Variants in NR1I3 observed in about 807,000 individuals in gnomAD.
NR1I3 encodes constitutive activator of retinoid response.
Under a neutral mutation model 38.4 loss-of-function variants are expected in NR1I3, and 30 were observed. The observed-to-expected ratio is 0.78, with a 90% CI of 0.58 to 1.06. NR1I3 has a LOEUF of 1.06. NR1I3 is among the 50% of genes least tolerant of loss of function. The pLI is 0.00. For missense variants in NR1I3, 388 were observed against 435.7 expected (o/e 0.89, Z 0.97); for synonymous variants, 143 against 165.1 (o/e 0.87, Z 1.03).
chr1:161,229,959 C>A, intron 8 of NR1I3, 33 bp from the exon 9 acceptor site: 1 of 1,613,268 alleles, frequency 6.2e-7, no homozygotes, highest in Non-Finnish European at 8.5e-7. Context: ...GCCAGGAAAA[C>A]AGGAGGGAAA....
At chr1:161,237,869 G>C (rs374309967) in intron 1 of NR1I3, among the ~76,000 whole-genome samples, 172 bp downstream of exon 1, 19 of 152,036 alleles carry the variant, frequency 1.2e-4, no homozygotes, top group African/African-American at 4.1e-4. Flanking sequence ...CTTTTTTGTA[G>C]AGATGGGGTC....
rs1558101795 is a variant in NR1I3 at position 161,229,825 on chromosome 1, A to T, written c.1019T>A (p.Met340Lys). Residue 340 changes from methionine to lysine, a missense_variant, in exon 9 of 9, where the codon ATG (methionine) becomes AAG (lysine). Physicochemically the swap from Met to Lys is moderately conservative, Grantham distance 95. Transcript: ENST00000367983. The part of the protein sequence containing the change: ...IQHIQGLSAM[M>K]PLLQEICS ...GCTGCAGATCTCCTGGAGCAGCGGCATCATGGCAGACAGGCCCTGGATGTG... is the reference window on the plus strand; with the variant it reads ...GCTGCAGATCTCCTGGAGCAGCGGCTTCATGGCAGACAGGCCCTGGATGTG... 1.2e-6 allele frequency: 2 copies of T among 1,614,104 alleles called. No individual in the cohort carries two copies. Among genetic ancestry groups the T allele is most frequent in the Non-Finnish European group, 1.7e-6 (2 of 1,180,048 alleles).
At chr1:161,234,234 C>T (rs1668120418) in intron 3 of NR1I3, among the ~76,000 whole-genome samples, 1 of 151,678 alleles carries the variant, frequency 6.6e-6, no homozygotes, top group South Asian at 2.1e-4. Flanking sequence ...AACTCCTGAC[C>T]TCAAGTGATC....
At chr1:161,231,508 T>A (rs1446210985) in intron 5 of NR1I3, 34 bp from the exon 6 acceptor site, 5 of 1,201,292 alleles carry the variant, frequency 4.2e-6, no homozygotes, top group Non-Finnish European at 4.4e-6. Context: ...CACTTTTCAA[T>A]TTTTTTTTTT....
At position 161,236,104 on chromosome 1, in the gene NR1I3, CA is replaced by C. The variant is rs1668566507; in HGVS notation, c.108-128del. On this transcript the variant is annotated intron_variant, in intron 2 of 8. Transcript: ENST00000367983. ...AATCTGAGCTGTGCCCAAAGGTCCC[CA>C]GGGGTGGATAGTATCCAACACATCT... 7 of 1,096,758 alleles carry C rather than the reference CA, an allele frequency of 6.4e-6. No individual in the cohort carries two copies. The South Asian group carries it at 1.1e-4, about 18-fold the overall frequency. 67.9% of individuals were successfully genotyped at this position (1,096,758 alleles called of 1,614,324 possible).
chr1:161,236,020 A>G (rs774040433), intron 2 of NR1I3, 43 bp from the exon 3 acceptor site: 2 of 1,548,580 alleles, frequency 1.3e-6, no homozygotes, highest in South Asian at 1.3e-5. Context: ...GATGCAATGG[A>G]TAGGTGAGGG....
At chr1:161,233,396 G>T in intron 3 of NR1I3, 58 bp from the exon 4 acceptor site, 1 of 1,574,776 alleles carries the variant, frequency 6.4e-7, no homozygotes, top group Non-Finnish European at 8.6e-7. Flanking sequence ...ATTTCTCTCT[G>T]CTGGTCCCTG....
intron 2 of NR1I3, chr1:161,236,255 A>C: frequency 1.5e-6 from 1 of 685,638 alleles, no homozygotes. Context: ...TCCATCAGAC[A>C]AACATTCAGC....
At chr1:161,232,709 G>T in intron 5 of NR1I3, 98 bp downstream of exon 5, 1 of 1,209,372 alleles carries the variant, frequency 8.3e-7, no homozygotes. Context: ...GCTTGGAAAG[G>T]CTGACGCATG....
At chr1:161,235,689 T>C in intron 3 of NR1I3, 158 bp downstream of exon 3, 1 of 792,342 alleles carries the variant, frequency 1.3e-6, no homozygotes, top group African/African-American at 1.7e-5. Flanking sequence ...TCACGTACTT[T>C]GAGATGGGGA....
intron 2 of NR1I3, 89 bp downstream of exon 2, chr1:161,236,370 G>C (rs1368055924): frequency 6.7e-7 from 1 of 1,499,680 alleles, no homozygotes; most frequent in Admixed American, 1.9e-5. Context: ...AATGTAGCTG[G>C]ACAGGCTTGG....
chr1:161,235,242 A>G (rs1668332691), intron 3 of NR1I3: 1 of 147,494 alleles, frequency 6.8e-6, no homozygotes, highest in African/African-American at 2.5e-5. Context: ...GCCTTGGGGA[A>G]GAGTGCGCTT....
intron 5 of NR1I3, 59 bp downstream of exon 5, chr1:161,232,748 G>A: frequency 1.3e-6 from 2 of 1,544,432 alleles, no homozygotes; most frequent in Non-Finnish European, 1.8e-6. Flanking sequence ...GACTTTTCGG[G>A]GTGGATATAC....
At chr1:161,230,107 G>C (rs746433585) in intron 8 of NR1I3, 181 bp from the exon 9 acceptor site, 3 of 654,370 alleles carry the variant, frequency 4.6e-6, no homozygotes, top group South Asian at 4.0e-5. Flanking sequence ...AGGGGGCCTC[G>C]GTCTGACACT....
intron 3 of NR1I3, among the ~76,000 whole-genome samples, chr1:161,233,814 G>A: frequency 6.7e-6 from 1 of 149,962 alleles, no homozygotes; most frequent in African/African-American, 2.5e-5. Flanking sequence ...AGGATAGGCA[G>A]GGCTGGTATT....
rs115477892 is a variant in NR1I3, at chr1:161,232,513, G to A, written c.548+294C>T. 4.7e-3 allele frequency among the ~76,000 whole-genome samples: 712 copies of A among 152,070 alleles called. 3 individuals are homozygous for A. Among genetic ancestry groups the A allele is most frequent in the Middle Eastern group, 0.014 (4 of 294 alleles). ...GGGTTTTGTCATGTTGCTGAGGCTG[G>A]TCTCAAACTTCTGGACTCAAGCGAT... On this transcript the variant is annotated intron_variant, in intron 5 of 8. Transcript: ENST00000367983.
chr1:161,237,922 G>T, intron 1 of NR1I3, 119 bp downstream of exon 1: 1 of 957,766 alleles, frequency 1.0e-6, no homozygotes, highest in Non-Finnish European at 1.7e-6. Flanking sequence ...GGGCTCAAGC[G>T]ATCCCCCCAC....
chr1:161,236,041 C>G, intron 2 of NR1I3, 64 bp from the exon 3 acceptor site: 1 of 1,522,952 alleles, frequency 6.6e-7, no homozygotes, highest in East Asian at 2.3e-5. Flanking sequence ...GCTGAGATGA[C>G]ATGGTCTAAA....
rs373882046 is a variant in NR1I3 at position 161,229,850 on chromosome 1, G to A, written c.994C>T (p.His332Tyr). Reference protein sequence around the residue: ...INEAYGYQIQHIQGLSAMMPL... With the variant: ...INEAYGYQIQYIQGLSAMMPL... Reference sequence around the variant, plus strand: ...ATCATGGCAGACAGGCCCTGGATGTGCTGGATTTGGTACCCGTAGGCCTCA... The same window carrying A: ...ATCATGGCAGACAGGCCCTGGATGTACTGGATTTGGTACCCGTAGGCCTCA... Residue 332 changes from histidine to tyrosine, a missense_variant, in exon 9 of 9, where the codon CAC becomes TAC. By Grantham distance (83) the His-to-Tyr change is moderately conservative (BLOSUM62 2). Coordinates refer to ENST00000367983, the MANE Select transcript of NR1I3 (RefSeq NM_005122.5). The A allele has an allele frequency of 3.1e-6, 5 of 1,614,114 alleles. No individual in the cohort carries two copies. The highest frequency in any genetic ancestry group is 4.2e-6 in the Non-Finnish European group (5 of 1,180,058).
Sources: allele counts gnomAD v4.1 joint callset (sites outside exome capture counted in the v4.1 genomes callset), GRCh38; gene constraint gnomAD v4.1.1; transcripts MANE v1.5; gene names NCBI Gene and HGNC (gene_info 2026-07-23, HGNC 2026-07-21).